Variants in SUN1 observed in about 807,000 individuals in gnomAD.
SUN1 encodes Sad1 and UNC84 domain containing 1.
Under a neutral mutation model 103.2 loss-of-function variants are expected in SUN1, and 61 were observed. The ratio of observed to expected loss-of-function variants is 0.59; its 90% CI spans 0.48 to 0.73. The LOEUF (loss-of-function observed/expected upper bound fraction) is 0.73, where lower values mean the gene tolerates loss of function less well. Ranked by LOEUF, SUN1 falls within the 30% of genes least tolerant of loss-of-function variation. The probability of loss-of-function intolerance (pLI) is 0.00; values close to 1 mark genes in which losing one functional copy is unlikely to be tolerated. For missense variants in SUN1, 1,052 were observed against 1,034.6 expected, an observed-to-expected ratio of 1.02 and a Z score of -0.23; for synonymous variants, 490 against 425.7, an observed-to-expected ratio of 1.15 and a Z score of -1.86.
rs554502523 is a variant in SUN1 at position 832,519 on chromosome 7, G to T, written c.-6G>T. On this transcript the variant is annotated 5_prime_UTR_variant, in exon 1 of 19. Coordinates refer to ENST00000401592, the MANE Select transcript of SUN1 (RefSeq NM_001130965.3). ...GCCCTCTGCAGTATGGTTTGAAGTG[G>T]TGAACATGGATTTTTCTCGGCTTCA... The T allele has an allele frequency of 2.5e-6, 4 of 1,612,862 alleles. No homozygotes were observed. The South Asian group carries it at 3.3e-5, about 13-fold the overall frequency.
In SUN1 at chr7:838,897, C is replaced by G. The variant is rs745467961; in HGVS notation, c.177C>G (p.Ala59=). Residue 59 remains alanine (A), a synonymous_variant, in exon 2 of 19, where the codon GCC becomes GCG. Transcript: ENST00000401592. ...TGTCCCGCCGTAGTTTGCGCCTGGC[C>G]ACGACAGCATGCACCCTGGGGGATG... is the stretch of plus-strand genomic sequence containing the variant. ...PRMSRRSLRL[A]TTACTLGDGE... The G allele has an allele frequency of 6.2e-7, 1 of 1,610,646 alleles. No individual in the cohort carries two copies. Among genetic ancestry groups the G allele is most frequent in the African/African-American group, 1.3e-5 (1 of 74,902 alleles).
rs778801320 is a variant in SUN1 at position 838,880 on chromosome 7, C to G, written c.160C>G (p.Arg54Gly). The G allele has an allele frequency of 6.2e-7, 1 of 1,606,926 alleles. No homozygotes were observed. Among genetic ancestry groups the G allele is most frequent in the Admixed American group, 1.7e-5 (1 of 58,914 alleles). Residue 54 changes from arginine (R) to glycine (G), a missense_variant, in exon 2 of 19, where the codon CGT becomes GGT. By Grantham distance (125) the Arg-to-Gly change is moderately radical (BLOSUM62 -2). This residue lies in a region of SUN1 where 846 missense variants were observed against 774.5 expected (regional missense o/e 1.09). Transcript: ENST00000401592. ...PVFDSPRMSRRSLRLATTACT... is the reference protein window; with the variant it reads ...PVFDSPRMSRGSLRLATTACT... ...ATTTGATTCTCCACGGATGTCCCGC[C>G]GTAGTTTGCGCCTGGCCACGACAGC...
In SUN1 at chr7:866,074, G is replaced by A; in HGVS notation, c.1980+7G>A. 6.2e-7 allele frequency: 1 copy of A among 1,612,562 alleles called. No homozygotes were observed. The highest frequency in any genetic ancestry group is 8.5e-7 in the Non-Finnish European group (1 of 1,178,714). Reference sequence around the variant, plus strand: ...CCCGCGCGTGGTCATCCAGGTGAGTGGCCGCCGGTGGCCGGAGCTGCTCCT... The same window carrying A: ...CCCGCGCGTGGTCATCCAGGTGAGTAGCCGCCGGTGGCCGGAGCTGCTCCT... On this transcript the variant is annotated splice_region_variant and intron_variant, in intron 16 of 18. Transcript: ENST00000401592.
intron 5 of SUN1, 132 bp downstream of exon 5, chr7:843,652 A>G: frequency 6.5e-7 from 1 of 1,542,462 alleles, no homozygotes; most frequent in Middle Eastern, 1.7e-4. Flanking sequence ...TAAGAAGTAC[A>G]CCCCAAACCA....
chr7:833,171 A>G (rs1799525547), intron 1 of SUN1: 2 of 152,584 alleles, frequency 1.3e-5, no homozygotes, highest in East Asian at 1.9e-4. Context: ...GTTTGATGAC[A>G]TTACGGGTCA....
chr7:831,392 C>G (rs955383970), upstream of SUN1, among the ~76,000 whole-genome samples: 12 of 151,958 alleles, frequency 7.9e-5, no homozygotes, highest in Non-Finnish European at 1.5e-4. Context: ...CTGCCTCAGC[C>G]TCCCGAGTAG....
At chr7:829,561 T>A (rs13230287), upstream of SUN1, among the ~76,000 whole-genome samples, 4 of 140,874 alleles carry the variant, frequency 2.8e-5, no homozygotes, top group Admixed American at 2.1e-4. Context: ...TTTTTTTTTG[T>A]TTTTTTTTTT....
At chr7:866,110 G>T (rs745687753) in intron 16 of SUN1, 43 bp downstream of exon 16, 2 of 1,556,216 alleles carry the variant, frequency 1.3e-6, no homozygotes, top group Non-Finnish European at 1.8e-6. Flanking sequence ...CTTCAGCATG[G>T]ACTCGGTTAG....
rs74714510 is a variant in SUN1, at chr7:869,615, G to A, written c.2148+99G>A. 247,106 of 1,393,786 alleles carry A rather than the reference G, an allele frequency of 0.18. 22,735 individuals are homozygous for A. Among genetic ancestry groups the A allele is most frequent in the South Asian group, 0.24 (18,043 of 74,408 alleles). The allele number at this position is 1,393,786 out of a possible 1,614,324, so 86.3% of individuals were successfully genotyped here. On this transcript the variant is annotated intron_variant, in intron 17 of 18. Transcript: ENST00000401592. ...AGCGCACTGGGGACGGCTGCCTCCC[G>A]CTGCCCCTCCGCCCTCTCTCAGATT...
chr7:825,908 T>TC (rs398110968), intron 1 of SUN1, among the ~76,000 whole-genome samples: 4 of 151,848 alleles, frequency 2.6e-5, no homozygotes, highest in African/African-American at 9.7e-5. Flanking sequence ...TTTTTTTTTT[T>TC]CCAGAATTTT....
At chr7:862,531 A>G (rs759781348) in intron 15 of SUN1, among the ~76,000 whole-genome samples, 11 of 152,230 alleles carry the variant, frequency 7.2e-5, no homozygotes, top group Non-Finnish European at 1.6e-4. Flanking sequence ...GTTTAAAATG[A>G]CCTTTTTAGA....
chr7:857,727 C>T, intron 12 of SUN1, 101 bp from the exon 13 acceptor site: 2 of 1,398,742 alleles, frequency 1.4e-6, no homozygotes, highest in Admixed American at 2.6e-5. Context: ...ACAGTTGTGA[C>T]ACCCAGGAGT....
In SUN1 at chr7:852,798, C is replaced by A. The variant is rs117540096; in HGVS notation, c.911-12C>A. On this transcript the variant is annotated splice_polypyrimidine_tract_variant and intron_variant, in intron 8 of 18. Coordinates refer to ENST00000401592, the MANE Select transcript of SUN1 (RefSeq NM_001130965.3). ...GTGTACCTGTGTGTGTGTGGTGGCTCTTCTCTTTTAGCAGGTCTCTCCTTA... is the reference window on the plus strand; with the variant it reads ...GTGTACCTGTGTGTGTGTGGTGGCTATTCTCTTTTAGCAGGTCTCTCCTTA... The A allele has an allele frequency of 3.7e-6, 6 of 1,610,890 alleles. No homozygotes were observed.
intron 1 of SUN1, among the ~76,000 whole-genome samples, chr7:822,340 T>C (rs1015979695): frequency 6.6e-6 from 1 of 152,196 alleles, no homozygotes; most frequent in African/African-American, 2.4e-5. Context: ...AGTGAATGGC[T>C]GTAGGTTGTG....
At chr7:861,243 C>A in intron 14 of SUN1, 137 bp from the exon 15 acceptor site, 2 of 817,042 alleles carry the variant, frequency 2.4e-6, no homozygotes, top group Non-Finnish European at 4.0e-6. Context: ...TGACTTCTGC[C>A]ATGCCTAGGA....
At chr7:844,153 G>A (rs1179029033) in intron 5 of SUN1, among the ~76,000 whole-genome samples, 2 of 152,240 alleles carry the variant, frequency 1.3e-5, no homozygotes, top group Non-Finnish European at 2.9e-5. Context: ...AGGAGAGACA[G>A]AACCACAGGC....
At chr7:826,871 AT>A (rs1792611389) in intron 1 of SUN1, among the ~76,000 whole-genome samples, 1 of 152,164 alleles carries the variant, frequency 6.6e-6, no homozygotes, top group South Asian at 2.1e-4. Context: ...GAAAATAATT[AT>A]CAACTCGGTA....
chr7:852,265 C>T (rs1822929002), intron 7 of SUN1: 1 of 603,986 alleles, frequency 1.7e-6, no homozygotes, highest in Non-Finnish European at 2.9e-6. Context: ...GGTGAGGCAG[C>T]TGGGAGGGCC....
chr7:857,488 C>T (rs540604114), intron 12 of SUN1, among the ~76,000 whole-genome samples: 4 of 152,248 alleles, frequency 2.6e-5, no homozygotes, highest in Admixed American at 6.5e-5. Context: ...CATGAGCCAC[C>T]GCACCCAGTC....
Sources: allele counts gnomAD v4.1 joint callset (sites outside exome capture counted in the v4.1 genomes callset), GRCh38; gene constraint gnomAD v4.1.1; regional missense constraint gnomAD v4.1.1; transcripts MANE v1.5; gene names NCBI Gene and HGNC (gene_info 2026-07-23, HGNC 2026-07-21).